The following QRSL1 variants were observed in gnomAD, a reference collection of about 807,000 sequenced individuals.
The protein encoded by QRSL1 is glutamyl-tRNA(Gln) amidotransferase subunit A, mitochondrial.
QRSL1 carries 54 observed loss-of-function variants against 61.6 expected under a neutral mutation model. The observed-to-expected ratio is 0.88, with a 90% CI of 0.70 to 1.10. The LOEUF (loss-of-function observed/expected upper bound fraction) is 1.10, where lower values mean the gene tolerates loss of function less well. Among genes scored for constraint, QRSL1 ranks in the 50% least tolerant of loss-of-function variants. The pLI is 0.00. For missense variants in QRSL1, 505 were observed against 622.6 expected (o/e 0.81, Z 2.01); for synonymous variants, 228 against 225.7 (o/e 1.01, Z -0.09).
chr6:106,632,062 G>T (rs903344489), intron 1 of QRSL1, among the ~76,000 whole-genome samples: 5 of 152,184 alleles, frequency 3.3e-5, no homozygotes, highest in African/African-American at 9.7e-5. Flanking sequence ...AACATGGGAA[G>T]TTTGTCTTTC....
At chr6:106,646,454 T>G (rs933419426) in intron 4 of QRSL1, among the ~76,000 whole-genome samples, 1 of 152,124 alleles carries the variant, frequency 6.6e-6, no homozygotes, top group African/African-American at 2.4e-5. Flanking sequence ...GTGAAAATCT[T>G]CCAGGATAAG....
chr6:106,636,669 T>C (rs1410426181), intron 1 of QRSL1, among the ~76,000 whole-genome samples: 1 of 152,156 alleles, frequency 6.6e-6, no homozygotes, highest in Non-Finnish European at 1.5e-5. Context: ...TTCAGTTTTT[T>C]TATCTGTAAA....
At chr6:106,635,830 C>T (rs1052846537) in intron 1 of QRSL1, among the ~76,000 whole-genome samples, 2 of 151,370 alleles carry the variant, frequency 1.3e-5, no homozygotes, top group Admixed American at 6.6e-5. Flanking sequence ...GAGATCGCAC[C>T]ACTGCACTCC....
chr6:106,641,691 A>C (rs1425376724), intron 3 of QRSL1, among the ~76,000 whole-genome samples: 2 of 152,242 alleles, frequency 1.3e-5, no homozygotes, highest in African/African-American at 4.8e-5. Context: ...AGAGCTTTTC[A>C]ATAGCTAGAG....
Position 106,652,388 on chromosome 6 carries a change from T to C in QRSL1, c.733+4T>C, listed in dbSNP as rs1777201701. The C allele has an allele frequency of 6.2e-7, 1 of 1,613,902 alleles. No individual in the cohort carries two copies. The highest frequency in any genetic ancestry group is 1.3e-5 in the African/African-American group (1 of 74,918). On this transcript the variant is annotated splice_donor_region_variant and intron_variant, in intron 6 of 10. Transcript: ENST00000369046. ...GATGATGCAGCAATTGTGTTGGGTA[T>C]TTATATAATTCTATATCATTTGCAA...
chr6:106,641,007 C>G (rs1048534614), intron 3 of QRSL1, 86 bp downstream of exon 3: 4 of 890,892 alleles, frequency 4.5e-6, no homozygotes, highest in Admixed American at 4.4e-5. Context: ...AAGATAATCT[C>G]AGACTAATTA....
chr6:106,656,037 A>G (rs1487770432), intron 9 of QRSL1, among the ~76,000 whole-genome samples: 1 of 152,244 alleles, frequency 6.6e-6, no homozygotes, highest in Non-Finnish European at 1.5e-5. Context: ...AACAATAAAA[A>G]GTAATACAAA....
chr6:106,630,441 A>G (rs1479104409), intron 1 of QRSL1, among the ~76,000 whole-genome samples: 1 of 152,202 alleles, frequency 6.6e-6, no homozygotes, highest in Non-Finnish European at 1.5e-5. Context: ...TTTCATATCC[A>G]ATAAATCACT....
At position 106,666,414 on chromosome 6, in the gene QRSL1, A is replaced by C; in HGVS notation, c.*412A>C. ...CAATTCTTGTAATTAGGTTCTTGTTAATACAGTCATTCCATGGAATTACTT... is the reference window on the plus strand; with the variant it reads ...CAATTCTTGTAATTAGGTTCTTGTTCATACAGTCATTCCATGGAATTACTT... On this transcript the variant is annotated 3_prime_UTR_variant, in exon 11 of 11. Transcript: ENST00000369046. The C allele has an allele frequency of 6.3e-6, 1 of 159,370 alleles. No homozygotes were observed. The highest frequency in any genetic ancestry group is 1.1e-4 in the South Asian group (1 of 8,762). The allele number at this position is 159,370 out of a possible 1,614,324, so 9.9% of individuals were successfully genotyped here. A position where few individuals can be genotyped will look rare whatever the true frequency, so the allele number is the denominator to read the frequency against.
intron 9 of QRSL1, among the ~76,000 whole-genome samples, chr6:106,657,699 A>C (rs552935534): frequency 5.3e-5 from 8 of 152,200 alleles, no homozygotes; most frequent in African/African-American, 1.9e-4. Flanking sequence ...CTTATGTGCC[A>C]GGAAGAGTTT....
chr6:106,658,965 T>TC (rs935967956), intron 9 of QRSL1, among the ~76,000 whole-genome samples: 56 of 151,152 alleles, frequency 3.7e-4, no homozygotes, highest in African/African-American at 8.7e-4. Context: ...TCTTTTTTTT[T>TC]CCCCCAGTCT....
chr6:106,654,013 C>T (rs886607703), intron 7 of QRSL1, among the ~76,000 whole-genome samples: 2 of 152,146 alleles, frequency 1.3e-5, no homozygotes, highest in Non-Finnish European at 2.9e-5. Flanking sequence ...ATAATACCTA[C>T]ATCACAGGCT....
intron 9 of QRSL1, among the ~76,000 whole-genome samples, chr6:106,656,277 A>C (rs573442636): frequency 3.3e-5 from 5 of 152,368 alleles, no homozygotes; most frequent in Non-Finnish European, 7.3e-5. Context: ...GAAGCCATTA[A>C]GGATTTTAAT....
intron 4 of QRSL1, among the ~76,000 whole-genome samples, chr6:106,644,501 T>C (rs1319216744): frequency 8.1e-6 from 1 of 124,070 alleles, no homozygotes; most frequent in Non-Finnish European, 1.7e-5. Context: ...GAAATCTTTT[T>C]TGTTTGTTTG....
intron 9 of QRSL1, among the ~76,000 whole-genome samples, chr6:106,658,779 T>C (rs1032380078): frequency 1.3e-5 from 2 of 152,212 alleles, no homozygotes; most frequent in African/African-American, 2.4e-5. Context: ...ATATTTCTTC[T>C]TCTGCATAGG....
chr6:106,659,660 C>T (rs1777326069), intron 9 of QRSL1, among the ~76,000 whole-genome samples: 1 of 152,066 alleles, frequency 6.6e-6, no homozygotes, highest in African/African-American at 2.4e-5. Flanking sequence ...TTCCTTTAAA[C>T]AGTGTTGGGC....
In QRSL1 at chr6:106,662,991, A is replaced by T; in HGVS notation, c.1172A>T (p.Asn391Ile). The change falls in exon 10 of 11, where the codon AAT becomes ATT. Residue 391 changes from asparagine (N) to isoleucine (I), a missense_variant. Transcript: ENST00000369046. ...NFFLLKENYE[N>I]YFVKAQKVRR... ...CTTTTTTCCCACAGAAACTATGAAA[A>T]TTATTTTGTCAAAGCACAGAAAGTG... 6.2e-7 allele frequency: 1 copy of T among 1,608,244 alleles called. No homozygotes were observed.
rs1777380037 is a variant in QRSL1 at position 106,662,973 on chromosome 6, C to G, written c.1161-7C>G. The G allele has an allele frequency of 1.9e-6, 3 of 1,589,682 alleles. No individual in the cohort carries two copies. Among genetic ancestry groups the G allele is most frequent in the South Asian group, 2.2e-5 (2 of 89,852 alleles). On this transcript the variant is annotated splice_region_variant and splice_polypyrimidine_tract_variant and intron_variant, in intron 9 of 10. Coordinates refer to ENST00000369046, the MANE Select transcript of QRSL1 (RefSeq NM_018292.5). The stretch of plus-strand genomic sequence containing the variant: ...CCTTAAAAACATCACCTACTTTTTT[C>G]CCACAGAAACTATGAAAATTATTTT...
chr6:106,640,171 G>C, intron 1 of QRSL1, 178 bp from the exon 2 acceptor site: 1 of 585,970 alleles, frequency 1.7e-6, no homozygotes, highest in Non-Finnish European at 3.0e-6. Flanking sequence ...AAGCTGATCA[G>C]TGCATCACCC....
Sources: gnomAD v4.1 joint callset for allele counts (sites outside exome capture counted in the v4.1 genomes callset) on GRCh38, gnomAD v4.1.1 for gene constraint, MANE v1.5 for transcripts, NCBI Gene and HGNC (gene_info 2026-07-23, HGNC 2026-07-21) for gene names.